EVC2: variants seen among roughly 807,000 people sequenced by gnomAD.
EVC2 encodes limbin.
EVC2 carries 148 observed loss-of-function variants against 149.3 expected under a neutral mutation model. The observed-to-expected ratio is 0.99, with a 90% CI of 0.87 to 1.14. EVC2 has a LOEUF of 1.14. Ranked by LOEUF, EVC2 falls within the 50% of genes most tolerant of loss-of-function variation. The pLI is 0.00. For synonymous variants in EVC2, 776 were observed against 649.9 expected, an observed-to-expected ratio of 1.19 and a Z score of -2.95; for missense variants, 1,854 against 1,627.3, an observed-to-expected ratio of 1.14 and a Z score of -2.40.
At chr4:5,652,757 A>C (rs1339100330) in intron 9 of EVC2, among the ~76,000 whole-genome samples, 1 of 152,216 alleles carries the variant, frequency 6.6e-6, no homozygotes, top group Non-Finnish European at 1.5e-5. Context: ...AGAAGTTCTC[A>C]AACTATTAAG....
intron 16 of EVC2, among the ~76,000 whole-genome samples, chr4:5,592,716 C>T (rs910228250): frequency 1.3e-5 from 2 of 152,162 alleles, no homozygotes; most frequent in African/African-American, 4.8e-5. Flanking sequence ...CTTCTAGGAA[C>T]ATTCTACTGG....
At chr4:5,641,932 C>T (rs999365829) in intron 9 of EVC2, among the ~76,000 whole-genome samples, 2 of 152,122 alleles carry the variant, frequency 1.3e-5, no homozygotes, top group Non-Finnish European at 2.9e-5. Flanking sequence ...AATGCTCTTC[C>T]TCCCCTTGCC....
At chr4:5,572,651 T>C (rs977416541) in intron 19 of EVC2, among the ~76,000 whole-genome samples, 16 of 152,202 alleles carry the variant, frequency 1.1e-4, no homozygotes, top group African/African-American at 3.1e-4. Context: ...TTATAAATTA[T>C]CCAGTCTAGG....
At chr4:5,542,796 C>T (rs1721539302) in exon 23 of EVC2, 2 of 212,040 alleles carry the variant, frequency 9.4e-6, no homozygotes, top group Non-Finnish European at 1.9e-5. Context: ...ATTGGCTCCT[C>T]CAAGTCATCC....
intron 16 of EVC2, among the ~76,000 whole-genome samples, chr4:5,604,452 G>A (rs1714230271): frequency 1.3e-5 from 2 of 152,156 alleles, no homozygotes; most frequent in South Asian, 2.1e-4. Flanking sequence ...GGCAGCCACA[G>A]AAAGACAAAC....
intron 16 of EVC2, among the ~76,000 whole-genome samples, chr4:5,587,310 G>C (rs1382922477): frequency 6.6e-6 from 1 of 152,070 alleles, no homozygotes; most frequent in Non-Finnish European, 1.5e-5. Flanking sequence ...CCAATCTTCT[G>C]TTTCTATGAT....
chr4:5,666,137 T>C (rs1030247552), intron 7 of EVC2, among the ~76,000 whole-genome samples: 6 of 150,822 alleles, frequency 4.0e-5, no homozygotes, highest in Admixed American at 1.3e-4. Flanking sequence ...GAAAATCTCT[T>C]GTCTTCTGAC....
At chr4:5,632,420 T>G (rs923912720) in intron 10 of EVC2, among the ~76,000 whole-genome samples, 2 of 152,210 alleles carry the variant, frequency 1.3e-5, no homozygotes, top group Non-Finnish European at 1.5e-5. Flanking sequence ...CCCTGGAATA[T>G]GCTGTTCCAA....
intron 9 of EVC2, among the ~76,000 whole-genome samples, chr4:5,644,084 C>G (rs1717533532): frequency 1.3e-5 from 2 of 152,226 alleles, no homozygotes; most frequent in Admixed American, 6.5e-5. Context: ...TTTCCTTCTA[C>G]AGCATTGATG....
chr4:5,708,319 C>T lies in EVC2; in HGVS notation c.195G>A (p.Gly65=), dbSNP rs1351285832. Residue 65 remains glycine (G), a synonymous_variant, in exon 1 of 22, where the codon GGG becomes GGA. Transcript: ENST00000344408. ...TGCTCTCGGGCCCCGCCCCGCTCCG[C>T]CCCGGAGGGATCCTCAGGCCGGGCC... ...RSGPGLRIPP[G]RSGAGPESST... 5 of 1,465,842 alleles carry T rather than the reference C, an allele frequency of 3.4e-6. No homozygotes were observed. Among genetic ancestry groups the T allele is most frequent in the African/African-American group, 1.5e-5 (1 of 67,794 alleles). 90.8% of individuals were successfully genotyped at this position (1,465,842 alleles called of 1,614,324 possible).
At chr4:5,582,628 A>G (rs1406437956) in intron 17 of EVC2, among the ~76,000 whole-genome samples, 2 of 152,340 alleles carry the variant, frequency 1.3e-5, no homozygotes, top group East Asian at 3.9e-4. Context: ...GGAATGAGTT[A>G]AGACTCTAGG....
In EVC2 at chr4:5,605,485, A is replaced by G. The variant is rs748995100; in HGVS notation, c.2829+9937T>C. On this transcript the variant is annotated intron_variant, in intron 16 of 21. Coordinates refer to ENST00000344408, the MANE Select transcript of EVC2 (RefSeq NM_147127.5). Reference sequence around the variant, plus strand: ...TCAGATAGACAGATGACAGATAGATAGATGGATGGATGGATGGATAGATAA... The same window carrying G: ...TCAGATAGACAGATGACAGATAGATGGATGGATGGATGGATGGATAGATAA... 6.6e-5 allele frequency among the ~76,000 whole-genome samples: 10 copies of G among 151,864 alleles called. No homozygotes were observed. In the South Asian group the frequency reaches 1.0e-3, roughly 16 times the overall value.
chr4:5,632,494 T>C (rs1716621862), intron 10 of EVC2, among the ~76,000 whole-genome samples: 1 of 152,006 alleles, frequency 6.6e-6, no homozygotes, highest in Non-Finnish European at 1.5e-5. Flanking sequence ...TTTACAGGGG[T>C]GGAAATCTGC....
intron 16 of EVC2, among the ~76,000 whole-genome samples, chr4:5,586,327 C>T (rs927713712): frequency 2.0e-5 from 3 of 152,058 alleles, no homozygotes; most frequent in African/African-American, 7.2e-5. Context: ...TAGTACACAT[C>T]TTTGACTTAT....
At chr4:5,540,829 C>T (rs1184708536), downstream of EVC2, among the ~76,000 whole-genome samples, 1 of 152,164 alleles carries the variant, frequency 6.6e-6, no homozygotes, top group African/African-American at 2.4e-5. Context: ...AATTATACCT[C>T]AATACAGTTT....
Position 5,622,995 on chromosome 4 carries a change from G to A in EVC2, c.2047-4C>T. On this transcript the variant is annotated splice_region_variant and splice_polypyrimidine_tract_variant and intron_variant, in intron 13 of 21. Transcript: ENST00000344408. The surrounding 1 kb of genome is among the most constrained non-coding windows in gnomAD (Gnocchi z 5.8). ...GCTCCCTACGCTGCTCCCTGTGCTGGAGTTTCAGAAAAGAAAATTAAGTGG... is the reference window on the plus strand; with the variant it reads ...GCTCCCTACGCTGCTCCCTGTGCTGAAGTTTCAGAAAAGAAAATTAAGTGG... 6.2e-7 allele frequency: 1 copy of A among 1,613,770 alleles called. No homozygotes were observed. Among genetic ancestry groups the A allele is most frequent in the African/African-American group, 1.3e-5 (1 of 75,052 alleles).
At position 5,663,140 on chromosome 4, in the gene EVC2, T is replaced by C. The variant is rs1560206576; in HGVS notation, c.1112A>G (p.Glu371Gly). Residue 371 changes from glutamate (E) to glycine (G), a missense_variant, in exon 9 of 22, where the codon GAG becomes GGG. Transcript: ENST00000344408. ...GGCTTGAAGCATGCTCCCAGGGTCC[T>C]CGGAAGACAGAATGTCTATCATTTG... ...NDQMIDILSS[E>G]DPGSMLQALE... 6.2e-7 allele frequency: 1 copy of C among 1,614,188 alleles called. No homozygotes were observed. Among genetic ancestry groups the C allele is most frequent in the Admixed American group, 1.7e-5 (1 of 60,014 alleles).
intron 13 of EVC2, among the ~76,000 whole-genome samples, chr4:5,623,822 C>T (rs548982161): frequency 6.6e-6 from 1 of 152,276 alleles, no homozygotes; most frequent in African/African-American, 2.4e-5. Context: ...CTCCATTTCC[C>T]TATCTGTAAA....
chr4:5,708,295 G>T lies in EVC2; in HGVS notation c.219C>A (p.Ser73Arg). 1 of 1,474,368 alleles carries T rather than the reference G, an allele frequency of 6.8e-7. No individual in the cohort carries two copies. 91.3% of individuals were successfully genotyped at this position (1,474,368 alleles called of 1,614,324 possible). ...PPGRSGAGPESSTQDLPCMIW... is the reference protein window; with the variant it reads ...PPGRSGAGPERSTQDLPCMIW... Reference sequence around the variant, plus strand: ...GTCGGGCCCTCCTTACCTGCGTGCTGCTCTCGGGCCCCGCCCCGCTCCGCC... The same window carrying T: ...GTCGGGCCCTCCTTACCTGCGTGCTTCTCTCGGGCCCCGCCCCGCTCCGCC... Residue 73 changes from serine to arginine, a missense_variant, in exon 1 of 22, where the codon AGC (serine) becomes AGA (arginine). Ser to Arg is a moderately radical substitution (Grantham distance 110). Transcript: ENST00000344408.
Sources: gnomAD v4.1 joint callset for allele counts (sites outside exome capture counted in the v4.1 genomes callset) on GRCh38, gnomAD v4.1.1 for gene constraint, Gnocchi (gnomAD v3.1) non-coding constraint, MANE v1.5 for transcripts, NCBI Gene and HGNC (gene_info 2026-07-23, HGNC 2026-07-21) for gene names.